The following TTC39B variants were observed in gnomAD, a reference collection of about 807,000 sequenced individuals.
TTC39B encodes tetratricopeptide repeat domain 39B, also known as tetratricopeptide repeat protein 39B.
Under a neutral mutation model 96.6 loss-of-function variants are expected in TTC39B, and 92 were observed. That is an observed-to-expected ratio of 0.95 (90% confidence interval 0.80 to 1.13). The LOEUF is 1.13. Among genes scored for constraint, TTC39B ranks in the 50% most tolerant of loss-of-function variants. TTC39B has a pLI of 0.00. For synonymous variants in TTC39B, 367 were observed against 299.4 expected, an observed-to-expected ratio of 1.23 and a Z score of -2.33; for missense variants, 955 against 809.3, an observed-to-expected ratio of 1.18 and a Z score of -2.18.
chr9:15,282,338 G>A (rs951714758), intron 1 of TTC39B, among the ~76,000 whole-genome samples: 2 of 152,136 alleles, frequency 1.3e-5, no homozygotes, highest in African/African-American at 4.8e-5. Flanking sequence ...TGCAGTAAAA[G>A]GAATTTGAAA....
chr9:15,203,654 A>T (rs34222215), intron 7 of TTC39B, among the ~76,000 whole-genome samples, 169 bp downstream of exon 7: 7,931 of 152,246 alleles, frequency 0.052, 264 homozygotes, highest in Non-Finnish European at 0.083. Context: ...AGGAGGAACA[A>T]AGCTCTCTAG....
intron 17 of TTC39B, among the ~76,000 whole-genome samples, chr9:15,178,645 A>C (rs771308575): frequency 6.6e-6 from 1 of 152,216 alleles, no homozygotes; most frequent in African/African-American, 2.4e-5. Flanking sequence ...AGTTCACTCT[A>C]TTCACTTTAA....
At chr9:15,204,010 C>T (rs1040976306) in intron 6 of TTC39B, 120 bp from the exon 7 acceptor site, 10 of 782,866 alleles carry the variant, frequency 1.3e-5, no homozygotes, top group South Asian at 6.7e-5. Context: ...ACTTAGATTG[C>T]CCTTGTGCTT....
intron 2 of TTC39B, among the ~76,000 whole-genome samples, chr9:15,263,778 C>G: frequency 6.6e-6 from 1 of 152,136 alleles, no homozygotes; most frequent in East Asian, 1.9e-4. Context: ...TGATTTTGGG[C>G]TCTATCTCTC....
intron 1 of TTC39B, among the ~76,000 whole-genome samples, chr9:15,284,090 G>A (rs917602438): frequency 2.6e-5 from 4 of 152,138 alleles, no homozygotes; most frequent in Admixed American, 2.0e-4. Context: ...CACTCCTACA[G>A]GTCATAAGGA....
At chr9:15,283,464 G>A (rs1157383867) in intron 1 of TTC39B, among the ~76,000 whole-genome samples, 1 of 152,162 alleles carries the variant, frequency 6.6e-6, no homozygotes, top group Non-Finnish European at 1.5e-5. Context: ...CATTCCCACA[G>A]CTAACAACTG....
intron 2 of TTC39B, among the ~76,000 whole-genome samples, chr9:15,234,516 C>T (rs1438513078): frequency 1.3e-5 from 2 of 152,094 alleles, no homozygotes; most frequent in Admixed American, 6.5e-5. Flanking sequence ...GCCACCACCC[C>T]GTCTGGGAGG....
chr9:15,302,934 C>T (rs1356158893), intron 1 of TTC39B, among the ~76,000 whole-genome samples: 2 of 152,058 alleles, frequency 1.3e-5, no homozygotes, highest in Non-Finnish European at 2.9e-5. Flanking sequence ...CTTTGGGAGG[C>T]TGAGGCGGCC....
chr9:15,205,175 C>T (rs1199536876), intron 6 of TTC39B, among the ~76,000 whole-genome samples: 2 of 152,172 alleles, frequency 1.3e-5, no homozygotes, highest in African/African-American at 2.4e-5. Flanking sequence ...GCACATAGAG[C>T]TCATGATACA....
Position 15,189,446 on chromosome 9 carries a change from T to C in TTC39B, c.1233+128A>G. 3.3e-6 allele frequency: 3 copies of C among 909,496 alleles called. No individual in the cohort carries two copies. In the South Asian group the frequency reaches 5.4e-5, roughly 16 times the overall value. 56.3% of individuals were successfully genotyped at this position (909,496 alleles called of 1,614,324 possible). On this transcript the variant is annotated intron_variant, in intron 13 of 19. Transcript: ENST00000512701. Reference sequence around the variant, plus strand: ...AAAGTTTTGGCTTTTTACTTATATATTTTTTTCTTTATTTTTGTCTAGTCC... The same window carrying C: ...AAAGTTTTGGCTTTTTACTTATATACTTTTTTCTTTATTTTTGTCTAGTCC...
At chr9:15,170,078 AT>A (rs1817599960) in exon 20 of TTC39B, 1 of 152,132 alleles carries the variant, frequency 6.6e-6, no homozygotes, top group Admixed American at 6.5e-5. Context: ...TACACAAATA[AT>A]TTTTAATGTA....
chr9:15,175,032 G>T (rs763176809), exon 19 of TTC39B: 8 of 1,613,298 alleles, frequency 5.0e-6, no homozygotes, highest in Non-Finnish European at 5.9e-6. Flanking sequence ...GCAGTTTCTA[G>T]GAACTTTATG....
chr9:15,233,820 C>G (rs1373192903), intron 2 of TTC39B, among the ~76,000 whole-genome samples: 6 of 151,616 alleles, frequency 4.0e-5, no homozygotes, highest in Admixed American at 1.3e-4. Context: ...GCCGCCCATC[C>G]TCTGGGATGT....
intron 1 of TTC39B, among the ~76,000 whole-genome samples, chr9:15,301,098 G>A (rs1414422108): frequency 1.3e-5 from 2 of 152,012 alleles, no homozygotes; most frequent in African/African-American, 4.8e-5. Context: ...CCTTCCCACT[G>A]GGGAGCCCAA....
At position 15,225,803 on chromosome 9, in the gene TTC39B, TGA is replaced by T. The variant is rs1821088647; in HGVS notation, c.371+112_371+113del. The T allele has an allele frequency of 6.7e-6, 6 of 900,360 alleles. No individual in the cohort carries two copies. In the South Asian group the frequency reaches 1.2e-4, roughly 18 times the overall value. 55.8% of individuals were successfully genotyped at this position (900,360 alleles called of 1,614,324 possible). A position where few individuals can be genotyped will look rare whatever the true frequency, so the allele number is the denominator to read the frequency against. On this transcript the variant is annotated intron_variant, in intron 3 of 19. Transcript: ENST00000512701. ...GCACTCTACTTGCCTAGGCCTCTCCTGACCTCATTGGTTTGTCAAACGCAATG... is the reference window on the plus strand; with the variant it reads ...GCACTCTACTTGCCTAGGCCTCTCCTCCTCATTGGTTTGTCAAACGCAATG...
chr9:15,306,456 G>A lies in TTC39B; in HGVS notation c.240+628C>T, dbSNP rs1824756801. ...CCACCGACTCTGAGGACCTGCTAGG[G>A]GAAGTGTCCCGGCCCCGTGGAGGGA... is the stretch of plus-strand genomic sequence containing the variant. On this transcript the variant is annotated intron_variant, in intron 1 of 19. Coordinates refer to ENST00000512701, the Ensembl canonical transcript of TTC39B. This position sits in a 1 kb window ranked among gnomAD's most constrained non-coding sequence, Gnocchi z 5.1. Among the ~76,000 whole-genome samples, 1 of 152,196 alleles carries A rather than the reference G, an allele frequency of 6.6e-6. No individual in the cohort carries two copies. The highest frequency in any genetic ancestry group is 1.5e-5 in the Non-Finnish European group (1 of 68,016).
chr9:15,267,548 A>C (rs1011592790), intron 2 of TTC39B, among the ~76,000 whole-genome samples: 1 of 152,250 alleles, frequency 6.6e-6, no homozygotes, highest in Non-Finnish European at 1.5e-5. Flanking sequence ...GAATTATTAC[A>C]AAAACTATAT....
chr9:15,200,501 T>C (rs1328353582), intron 7 of TTC39B, among the ~76,000 whole-genome samples: 1 of 152,238 alleles, frequency 6.6e-6, no homozygotes, highest in Non-Finnish European at 1.5e-5. Context: ...CCACTTCAAT[T>C]CTGTTTATCT....
intron 2 of TTC39B, chr9:15,232,483 A>G (rs1415918096): frequency 3.9e-5 from 6 of 152,242 alleles, no homozygotes; most frequent in African/African-American, 1.4e-4. Context: ...ATGTTGTGAC[A>G]TCACCAAAGG....
Sources: gnomAD v4.1 joint callset for allele counts (sites outside exome capture counted in the v4.1 genomes callset) on GRCh38, gnomAD v4.1.1 for gene constraint, Gnocchi (gnomAD v3.1) non-coding constraint, MANE v1.5 for transcripts, NCBI Gene and HGNC (gene_info 2026-07-23, HGNC 2026-07-21) for gene names.